Variants in DLGAP4 observed in about 807,000 individuals in gnomAD.
DLGAP4 encodes disks large-associated protein 4.
A neutral mutation model predicts 86.9 loss-of-function variants in DLGAP4; 18 were observed. That is an observed-to-expected ratio of 0.21 (90% confidence interval 0.14 to 0.31). DLGAP4 has a LOEUF of 0.31. Ranked by LOEUF, DLGAP4 falls within the 10% of genes least tolerant of loss-of-function variation. The pLI is 1.00. For missense variants in DLGAP4, 1,085 were observed against 1,362.6 expected (o/e 0.80, Z 3.21); for synonymous variants, 548 against 574.3 (o/e 0.95, Z 0.65).
rs371079144 is a variant in DLGAP4 at position 36,394,744 on chromosome 20, C to T, written c.-73+27469C>T. Among the ~76,000 whole-genome samples, 23 of 151,996 alleles carry T rather than the reference C, an allele frequency of 1.5e-4. No homozygotes were observed. In the East Asian group the frequency reaches 1.7e-3, roughly 12 times the overall value. ...CAGATTCGACCTGCCTTGCCTCCCACGTTCACAGGCTCTGGCTTCTGGAAG... is the reference window on the plus strand; with the variant it reads ...CAGATTCGACCTGCCTTGCCTCCCATGTTCACAGGCTCTGGCTTCTGGAAG... On this transcript the variant is annotated intron_variant, in intron 2 of 12. Transcript: ENST00000339266.
At chr20:36,488,082 C>T (rs2035495542) in intron 7 of DLGAP4, among the ~76,000 whole-genome samples, 1 of 151,896 alleles carries the variant, frequency 6.6e-6, no homozygotes, top group Non-Finnish European at 1.5e-5. Context: ...CGCCTATAAT[C>T]CCAGCTACTC....
intron 1 of DLGAP4, among the ~76,000 whole-genome samples, chr20:36,343,419 G>A (rs142578361): frequency 4.1e-4 from 63 of 152,224 alleles, no homozygotes; most frequent in East Asian, 3.3e-3. Context: ...CCCAGGAACC[G>A]TGTTTCACAG....
At position 36,527,106 on chromosome 20, in the gene DLGAP4, C is replaced by G. The variant is rs1014896602; in HGVS notation, c.*75C>G. ...CTAAGTGCGAACGGAACAGAGTTTT[C>G]TCAACCTTTGCTATGGTTATTCTGT... On this transcript the variant is annotated 3_prime_UTR_variant, in exon 13 of 13. Transcript: ENST00000339266. 2 of 1,410,100 alleles carry G rather than the reference C, an allele frequency of 1.4e-6. No individual in the cohort carries two copies. Among genetic ancestry groups the G allele is most frequent in the Non-Finnish European group, 1.9e-6 (2 of 1,047,874 alleles). 87.3% of individuals were successfully genotyped at this position (1,410,100 alleles called of 1,614,324 possible).
chr20:36,316,197 C>T (rs1323020598), intron 1 of DLGAP4, among the ~76,000 whole-genome samples: 1 of 152,208 alleles, frequency 6.6e-6, no homozygotes, highest in Non-Finnish European at 1.5e-5. Flanking sequence ...ACCTGATTTC[C>T]TGCTGGTGCG....
At chr20:36,435,966 C>T (rs2033262394) in intron 3 of DLGAP4, 143 bp from the exon 4 acceptor site, 1 of 1,279,690 alleles carries the variant, frequency 7.8e-7, no homozygotes, top group Non-Finnish European at 1.0e-6. Flanking sequence ...GCTCTGCTGC[C>T]CCGAGGTTTC....
At chr20:36,406,583 G>A (rs1248186158) in intron 2 of DLGAP4, among the ~76,000 whole-genome samples, 3 of 151,870 alleles carry the variant, frequency 2.0e-5, no homozygotes, top group Admixed American at 6.5e-5. Context: ...GGACCTCCAG[G>A]GGGCTGGCCG....
At chr20:36,351,020 G>A (rs1555893412) in intron 1 of DLGAP4, among the ~76,000 whole-genome samples, 4 of 152,264 alleles carry the variant, frequency 2.6e-5, no homozygotes, top group African/African-American at 9.6e-5. Context: ...ACTCCAGCGT[G>A]TGCCGCCTGC....
intron 1 of DLGAP4, among the ~76,000 whole-genome samples, chr20:36,360,081 A>G (rs574788904): frequency 6.6e-6 from 1 of 152,362 alleles, no homozygotes; most frequent in South Asian, 2.1e-4. Context: ...TACTCCTTGA[A>G]CATTTCCTGT....
Position 36,524,284 on chromosome 20 carries a change from C to G in DLGAP4, c.2547C>G (p.Ala849=), listed in dbSNP as rs777773032. 6.2e-7 allele frequency: 1 copy of G among 1,614,162 alleles called. No individual in the cohort carries two copies. Among genetic ancestry groups the G allele is most frequent in the South Asian group, 1.1e-5 (1 of 91,068 alleles). The change falls in exon 11 of 13, where the codon GCC becomes GCG. Residue 849 remains alanine (A), a synonymous_variant. Coordinates refer to ENST00000339266, the MANE Select transcript of DLGAP4 (RefSeq NM_001365621.2). ...AAGTCCTCAGTGCTGTGGGCAGTGC[C>G]CAGCTACTGATGTCCCAGAAATTCC... ...LGKVLSAVGS[A]QLLMSQKFQQ...
chr20:36,519,385 G>A (rs1469153044), intron 10 of DLGAP4, among the ~76,000 whole-genome samples: 3 of 152,160 alleles, frequency 2.0e-5, no homozygotes, highest in Non-Finnish European at 2.9e-5. Context: ...AATGTTCCAT[G>A]TGTGAGAAGT....
intron 7 of DLGAP4, among the ~76,000 whole-genome samples, chr20:36,461,100 T>C (rs1033352403): frequency 2.6e-5 from 4 of 151,926 alleles, no homozygotes; most frequent in Non-Finnish European, 5.9e-5. Context: ...GTCGCTGGGG[T>C]GAACTGGTGG....
At chr20:36,316,230 C>T (rs1449881498) in intron 1 of DLGAP4, among the ~76,000 whole-genome samples, 1 of 152,214 alleles carries the variant, frequency 6.6e-6, no homozygotes, top group Non-Finnish European at 1.5e-5. Context: ...GTTAAGTAAC[C>T]ACATCCAGCT....
In DLGAP4 at chr20:36,523,490, T is replaced by C. The variant is rs150327320; in HGVS notation, c.2513-760T>C. On this transcript the variant is annotated intron_variant, in intron 10 of 12. Coordinates refer to ENST00000339266, the MANE Select transcript of DLGAP4 (RefSeq NM_001365621.2). ...CATGTCCTATCTGCTCTCAGAGTTC[T>C]TAAAACCAGTTGCATCATTTTCCAT... Among the ~76,000 whole-genome samples, 4 of 152,366 alleles carry C rather than the reference T, an allele frequency of 2.6e-5. No individual in the cohort carries two copies. The East Asian group carries it at 7.7e-4, about 29-fold the overall frequency.
At chr20:36,438,025 TC>T (rs2033336626) in intron 4 of DLGAP4, among the ~76,000 whole-genome samples, 1 of 152,106 alleles carries the variant, frequency 6.6e-6, no homozygotes, top group African/African-American at 2.4e-5. Context: ...CACCTCAGCA[TC>T]CCGAGTAGCT....
chr20:36,417,783 T>TTTG (rs1432256676), intron 2 of DLGAP4, among the ~76,000 whole-genome samples: 5 of 150,794 alleles, frequency 3.3e-5, no homozygotes, highest in South Asian at 2.1e-4. Flanking sequence ...GTTTTTTTTT[T>TTTG]TTGTTGTTGT....
intron 10 of DLGAP4, among the ~76,000 whole-genome samples, chr20:36,512,307 C>A (rs2147817723): frequency 6.6e-6 from 1 of 152,208 alleles, no homozygotes; most frequent in South Asian, 2.1e-4. Flanking sequence ...ACCGCAGCCT[C>A]CCAAAGTGCT....
chr20:36,465,153 T>TCC (rs367955150), intron 7 of DLGAP4: 1 of 150,412 alleles, frequency 6.6e-6, no homozygotes, highest in Non-Finnish European at 1.5e-5. Flanking sequence ...ACAGCCCAGT[T>TCC]CCCCCCCCAT....
At chr20:36,461,075 C>G (rs117705858) in intron 7 of DLGAP4, among the ~76,000 whole-genome samples, 1,735 of 152,226 alleles carry the variant, frequency 0.011, 14 homozygotes, top group Non-Finnish European at 0.017. Flanking sequence ...CTCGGTTCCC[C>G]CCTTACAGCG....
chr20:36,495,953 AC>A (rs1305809085), intron 7 of DLGAP4, among the ~76,000 whole-genome samples: 3 of 151,048 alleles, frequency 2.0e-5, no homozygotes, highest in Admixed American at 1.3e-4. Context: ...GCTCACTGCA[AC>A]CTCCACCTCC....
Sources: gnomAD v4.1 joint callset for allele counts (sites outside exome capture counted in the v4.1 genomes callset) on GRCh38, gnomAD v4.1.1 for gene constraint, MANE v1.5 for transcripts, NCBI Gene and HGNC (gene_info 2026-07-23, HGNC 2026-07-21) for gene names.